PLXNB2: variants seen among roughly 807,000 people sequenced by gnomAD.
The protein encoded by PLXNB2 is plexin-B2.
PLXNB2 carries 85 observed loss-of-function variants against 202.6 expected under a neutral mutation model. The observed-to-expected ratio is 0.42, with a 90% CI of 0.35 to 0.50. The LOEUF is 0.50. PLXNB2 is among the 20% of genes least tolerant of loss of function. The pLI, the probability that PLXNB2 is intolerant of heterozygous loss-of-function variation, is 0.02. For synonymous variants in PLXNB2, 1,239 were observed against 1,137.6 expected (o/e 1.09, Z -1.79); for missense variants, 2,063 against 2,586.2 (o/e 0.80, Z 4.39).
chr22:50,285,451 A>G (rs28708402), intron 11 of PLXNB2, among the ~76,000 whole-genome samples: 3 of 23,314 alleles, frequency 1.3e-4, no homozygotes, highest in Admixed American at 5.0e-4. Flanking sequence ...CCTGTCACCA[A>G]CCGGCACCCC....
At chr22:50,304,219 C>G (rs2067805636) in intron 1 of PLXNB2, among the ~76,000 whole-genome samples, 1 of 152,212 alleles carries the variant, frequency 6.6e-6, no homozygotes, top group South Asian at 2.1e-4. Context: ...TGCAGTACCA[C>G]CAGGGGCAGC....
chr22:50,275,861 GC>G lies in PLXNB2; in HGVS notation c.5412+27del, dbSNP rs776039270. On this transcript the variant is annotated intron_variant, in intron 36 of 36. Coordinates refer to ENST00000359337, the MANE Select transcript of PLXNB2 (RefSeq NM_012401.4). Reference sequence around the variant, plus strand: ...CGGGGGACCGCCCAGCACCCCACCTGCCCCCGCCCCCGGGGGCCTGACCCTA... The same window carrying G: ...CGGGGGACCGCCCAGCACCCCACCTGCCCCGCCCCCGGGGGCCTGACCCTA... The G allele has an allele frequency of 6.2e-6, 10 of 1,604,832 alleles. No homozygotes were observed. In the African/African-American group the frequency reaches 1.1e-4, roughly 17 times the overall value.
rs117940427 is a variant in PLXNB2 at position 50,302,570 on chromosome 22, C to T, written c.-74+4983G>A. On this transcript the variant is annotated intron_variant, in intron 1 of 36. Coordinates refer to ENST00000359337, the MANE Select transcript of PLXNB2 (RefSeq NM_012401.4). Reference sequence around the variant, plus strand: ...CTGGGCCTGGGCGGCCTGCCTGGGGCGCCCCACCTTCACGCCCTCCTCCCT... The same window carrying T: ...CTGGGCCTGGGCGGCCTGCCTGGGGTGCCCCACCTTCACGCCCTCCTCCCT... Among the ~76,000 whole-genome samples, 13 of 152,138 alleles carry T rather than the reference C, an allele frequency of 8.5e-5. No individual in the cohort carries two copies. The East Asian group carries it at 1.2e-3, about 14-fold the overall frequency.
At chr22:50,282,981 T>C in intron 17 of PLXNB2, 69 bp downstream of exon 17, 1 of 1,568,802 alleles carries the variant, frequency 6.4e-7, no homozygotes, top group Non-Finnish European at 8.7e-7. Flanking sequence ...CACTCAGGTC[T>C]CAGTAAGTGC....
intron 2 of PLXNB2, among the ~76,000 whole-genome samples, chr22:50,293,707 G>A (rs1464465635): frequency 2.0e-5 from 3 of 152,190 alleles, no homozygotes; most frequent in African/African-American, 4.8e-5. Flanking sequence ...ACCCTGCGGC[G>A]CCCCTAGCCC....
Position 50,281,922 on chromosome 22 carries a change from GCA to G in PLXNB2, c.3275_3276del (p.Val1092AlafsTer2). ...LRTEAGAFEY[V>X]PDPTFENFTG... is the part of the protein sequence containing the mutation. ...GTGAAGTTCTCAAAGGTGGGGTCAG[GCA>G]CGTACTCGAAGGCCCCGGCCTCTGT... On this transcript the variant is annotated frameshift_variant, in exon 20 of 37. Transcript: ENST00000359337. LOFTEE classifies it high-confidence loss of function. 2 of 1,613,084 alleles carry G rather than the reference GCA, an allele frequency of 1.2e-6. No individual in the cohort carries two copies. The highest frequency in any genetic ancestry group is 1.7e-6 in the Non-Finnish European group (2 of 1,179,994).
intron 1 of PLXNB2, among the ~76,000 whole-genome samples, chr22:50,298,071 C>T (rs1020026858): frequency 3.3e-5 from 5 of 152,220 alleles, no homozygotes; most frequent in African/African-American, 9.6e-5. Flanking sequence ...CCGGCTGCCC[C>T]GCCGCCCTGC....
chr22:50,281,863 G>A lies in PLXNB2; in HGVS notation c.3336C>T (p.Ile1112=). 6.2e-7 allele frequency: 1 copy of A among 1,612,438 alleles called. No homozygotes were observed. The highest frequency in any genetic ancestry group is 8.5e-7 in the Non-Finnish European group (1 of 1,179,814). ...GCTGCACCGTCCTCACCCGGGCGTGGATGAGCTTGTTGACCTGCTTCTTGA... is the reference window on the plus strand; with the variant it reads ...GCTGCACCGTCCTCACCCGGGCGTGAATGAGCTTGTTGACCTGCTTCTTGA... ...GGVKKQVNKL[I]HARGTNLNKA... is the part of the protein sequence containing the mutation. The change falls in exon 20 of 37, where the codon ATC becomes ATT. Residue 1112 remains isoleucine, a synonymous_variant. Transcript: ENST00000359337.
Position 50,290,354 on chromosome 22 carries a change from C to T in PLXNB2, c.231G>A (p.Lys77=), listed in dbSNP as rs1319680162. ...VATGPALDNK[K]CTPPIEASQC... ...GGCTGGCCTCGATGGGCGGCGTGCA[C>T]TTCTTGTTGTCCAGGGCCGGGCCCG... The change falls in exon 3 of 37, where the codon AAG becomes AAA. Residue 77 remains lysine, a synonymous_variant. Transcript: ENST00000359337. 1 of 1,612,764 alleles carries T rather than the reference C, an allele frequency of 6.2e-7. No homozygotes were observed. Among genetic ancestry groups the T allele is most frequent in the Non-Finnish European group, 8.5e-7 (1 of 1,179,986 alleles).
intron 34 of PLXNB2, 57 bp downstream of exon 34, chr22:50,276,785 C>G: frequency 6.3e-7 from 1 of 1,598,532 alleles, no homozygotes; most frequent in Non-Finnish European, 8.6e-7. Flanking sequence ...CCTGAACCTC[C>G]CCGCAGGGGG....
chr22:50,289,281 A>C lies in PLXNB2; in HGVS notation c.1069-139T>G. 2.1e-6 allele frequency: 2 copies of C among 935,122 alleles called. No homozygotes were observed. Among genetic ancestry groups the C allele is most frequent in the Non-Finnish European group, 3.1e-6 (2 of 642,750 alleles). 57.9% of individuals were successfully genotyped at this position (935,122 alleles called of 1,614,324 possible). On this transcript the variant is annotated intron_variant, in intron 3 of 36. Coordinates refer to ENST00000359337, the MANE Select transcript of PLXNB2 (RefSeq NM_012401.4). This position sits in a 1 kb window ranked among gnomAD's most constrained non-coding sequence, Gnocchi z 8.0. ...ACACGTCCCCGAGAACAGAACCCACATGGCAGGGAGCCCCACCGTGCTCAC... is the reference window on the plus strand; with the variant it reads ...ACACGTCCCCGAGAACAGAACCCACCTGGCAGGGAGCCCCACCGTGCTCAC...
Position 50,276,667 on chromosome 22 carries a change from C to A in PLXNB2, c.5299G>T (p.Asp1767Tyr). 1 of 1,613,766 alleles carries A rather than the reference C, an allele frequency of 6.2e-7. No individual in the cohort carries two copies. Among genetic ancestry groups the A allele is most frequent in the South Asian group, 1.1e-5 (1 of 91,054 alleles). Reference sequence around the variant, plus strand: ...GCCAGGTGTGTGTTCATGTCCTGGTCGCTGACCTGCACCATCTGCCGGATC... The same window carrying A: ...GCCAGGTGTGTGTTCATGTCCTGGTAGCTGACCTGCACCATCTGCCGGATC... The part of the protein sequence containing the change: ...KGIRQMVQVS[D>Y]QDMNTHLAEI... Residue 1767 changes from aspartate (D) to tyrosine (Y), a missense_variant, in exon 35 of 37, where the codon GAC becomes TAC. Around this residue, in one of 2 missense-constraint regions of PLXNB2, gnomAD observed 760 missense variants for 1,109.4 expected, o/e 0.69. Transcript: ENST00000359337.
intron 24 of PLXNB2, 30 bp downstream of exon 24, chr22:50,280,714 G>GGGCCCCCCCCC: frequency 3.3e-6 from 5 of 1,528,868 alleles, no homozygotes; most frequent in African/African-American, 1.4e-5. Context: ...CCACCTGTGT[G>GGGCCCCCCCCC]CCCTCCCGCC....
Position 50,281,204 on chromosome 22 carries a change from G to C in PLXNB2, c.3663-15C>G. ...GGCTCTTCCTCCTGCAAGGCACAGCGGGCCTCCTAGGTTCTGCCGGGGCTG... is the reference window on the plus strand; with the variant it reads ...GGCTCTTCCTCCTGCAAGGCACAGCCGGCCTCCTAGGTTCTGCCGGGGCTG... On this transcript the variant is annotated splice_polypyrimidine_tract_variant and intron_variant, in intron 22 of 36. Transcript: ENST00000359337. The C allele has an allele frequency of 6.2e-7, 1 of 1,603,126 alleles. No individual in the cohort carries two copies. The highest frequency in any genetic ancestry group is 8.5e-7 in the Non-Finnish European group (1 of 1,173,542).
intron 18 of PLXNB2, 60 bp from the exon 19 acceptor site, chr22:50,282,373 C>A (rs80056853): frequency 0.03 from 46,048 of 1,531,216 alleles, 828 homozygotes; most frequent in East Asian, 0.074. Flanking sequence ...CAGCCTCCGC[C>A]CTCCCGTCCC....
chr22:50,280,714 G>GCCCCCCCCCCCCCC, intron 24 of PLXNB2, 30 bp downstream of exon 24: 3 of 1,528,948 alleles, frequency 2.0e-6, no homozygotes, highest in Non-Finnish European at 1.8e-6. Flanking sequence ...CCACCTGTGT[G>GCCCCCCCCCCCCCC]CCCTCCCGCC....
Position 50,282,391 on chromosome 22 carries a change from C to G in PLXNB2, c.2988-78G>C, listed in dbSNP as rs373002205. ...CCTCCGCCCTCCCGTCCCCGCCCAC[C>G]CTGGCCCTGACCACACGGGGCTTCC... On this transcript the variant is annotated intron_variant, in intron 18 of 36. Transcript: ENST00000359337. 3,515 of 1,478,694 alleles carry G rather than the reference C, an allele frequency of 2.4e-3. 78 individuals are homozygous for G. The African/African-American group carries it at 0.042, about 18-fold the overall frequency. The allele number at this position is 1,478,694 out of a possible 1,614,324, so 91.6% of individuals were successfully genotyped here.
chr22:50,305,546 G>A (rs774290984), intron 1 of PLXNB2, among the ~76,000 whole-genome samples: 2 of 152,196 alleles, frequency 1.3e-5, no homozygotes, highest in Non-Finnish European at 2.9e-5. Flanking sequence ...AGAGGGGGTC[G>A]TAGGCAAGGA....
rs1442922823 is a variant in PLXNB2 at position 50,287,775 on chromosome 22, C to T, written c.1500G>A (p.Glu500=). 6.3e-7 allele frequency: 1 copy of T among 1,585,772 alleles called. No homozygotes were observed. The highest frequency in any genetic ancestry group is 1.1e-5 in the South Asian group (1 of 88,466). Residue 500 remains glutamate (E), a synonymous_variant, in exon 7 of 37, where the codon GAG becomes GAA. Coordinates refer to ENST00000359337, the MANE Select transcript of PLXNB2 (RefSeq NM_012401.4). ...GGCTGGCCTCCTCGGCCCGCGGACA[C>T]TCGGCCTTCCGGGTGCATCTGCAGG... ...VVEGRCTRKA[E]CPRAEEASHW... is the part of the protein sequence containing the mutation.
Sources: allele counts gnomAD v4.1 joint callset (sites outside exome capture counted in the v4.1 genomes callset), GRCh38; gene constraint gnomAD v4.1.1; regional missense constraint gnomAD v4.1.1; non-coding constraint Gnocchi (gnomAD v3.1); transcripts MANE v1.5; gene names NCBI Gene and HGNC (gene_info 2026-07-23, HGNC 2026-07-21).